The following ENPP6 variants were observed in gnomAD, a reference collection of about 807,000 sequenced individuals.
ENPP6 encodes the protein glycerophosphocholine cholinephosphodiesterase ENPP6.
In ENPP6, 32 loss-of-function variants were observed where a neutral mutation model predicts 42.0. That is an observed-to-expected ratio of 0.76 (90% CI 0.58 to 1.02). The LOEUF is 1.02. Ranked by LOEUF, ENPP6 falls within the 50% of genes least tolerant of loss-of-function variation. The pLI is 0.00. For missense variants in ENPP6, 552 were observed against 566.8 expected, an observed-to-expected ratio of 0.97 and a Z score of 0.27; for synonymous variants, 213 against 216.0, an observed-to-expected ratio of 0.99 and a Z score of 0.12.
At chr4:184,207,209 T>C (rs1019246951) in intron 1 of ENPP6, among the ~76,000 whole-genome samples, 2 of 152,272 alleles carry the variant, frequency 1.3e-5, no homozygotes, top group Admixed American at 6.5e-5. Flanking sequence ...GGTAGTTTAC[T>C]GGCAGTAAAG....
Position 184,090,649 on chromosome 4 carries a change from T to G in ENPP6, c.*528A>C, listed in dbSNP as rs1735772988. 1 of 203,668 alleles carries G rather than the reference T, an allele frequency of 4.9e-6. No homozygotes were observed. The highest frequency in any genetic ancestry group is 9.7e-6 in the Non-Finnish European group (1 of 102,946). 12.6% of individuals were successfully genotyped at this position (203,668 alleles called of 1,614,324 possible). ...CTCAGTATAAGATGAAAAAATTCCATGAGCTGGGTCAGAAATAGACAGTAG... is the reference window on the plus strand; with the variant it reads ...CTCAGTATAAGATGAAAAAATTCCAGGAGCTGGGTCAGAAATAGACAGTAG... On this transcript the variant is annotated 3_prime_UTR_variant, in exon 8 of 8. Transcript: ENST00000296741.
chr4:184,177,111 T>C (rs766350265), intron 1 of ENPP6, among the ~76,000 whole-genome samples: 14 of 152,104 alleles, frequency 9.2e-5, no homozygotes, highest in Non-Finnish European at 1.8e-4. Context: ...TGCCTAAGAC[T>C]ACTGAGTTCA....
chr4:184,193,897 T>C (rs552666775), intron 1 of ENPP6, among the ~76,000 whole-genome samples: 2 of 152,322 alleles, frequency 1.3e-5, no homozygotes, highest in South Asian at 4.1e-4. Context: ...ATTTCTTATA[T>C]TCTTTAATTG....
rs1733016483 is a variant in ENPP6 at position 184,207,255 on chromosome 4, T to A, written c.241+10324A>T. Among the ~76,000 whole-genome samples, 5 of 152,250 alleles carry A rather than the reference T, an allele frequency of 3.3e-5. No individual in the cohort carries two copies. The South Asian group carries it at 1.0e-3, about 31-fold the overall frequency. ...AGACTGGCTTCCCCGCTACTCAGAA[T>A]GTTTCTGGGCCACTTTCCTCAACTG... On this transcript the variant is annotated intron_variant, in intron 1 of 7. Coordinates refer to ENST00000296741, the MANE Select transcript of ENPP6 (RefSeq NM_153343.4).
intron 1 of ENPP6, among the ~76,000 whole-genome samples, chr4:184,154,025 G>T (rs1448897382): frequency 1.3e-5 from 2 of 152,170 alleles, no homozygotes; most frequent in African/African-American, 4.8e-5. Flanking sequence ...AGAGCTTGAA[G>T]TCTAAATATG....
chr4:184,163,383 G>C (rs907465042), intron 1 of ENPP6, among the ~76,000 whole-genome samples: 1 of 152,124 alleles, frequency 6.6e-6, no homozygotes, highest in African/African-American at 2.4e-5. Flanking sequence ...GTAGTGGGTG[G>C]GGTGAAGAAG....
At chr4:184,102,842 G>A (rs545362811) in intron 6 of ENPP6, among the ~76,000 whole-genome samples, 5 of 152,230 alleles carry the variant, frequency 3.3e-5, no homozygotes, top group South Asian at 4.1e-4. Flanking sequence ...ACCTGGCTCC[G>A]GGATATTTGC....
At chr4:184,206,311 G>T (rs1467131985) in intron 1 of ENPP6, among the ~76,000 whole-genome samples, 1 of 125,202 alleles carries the variant, frequency 8.0e-6, no homozygotes, top group Admixed American at 8.6e-5. Flanking sequence ...AGGCTGGAGT[G>T]CAGTGGCGCG....
intron 1 of ENPP6, among the ~76,000 whole-genome samples, chr4:184,211,722 T>A (rs1733116652): frequency 6.6e-6 from 1 of 150,816 alleles, no homozygotes; most frequent in South Asian, 2.1e-4. Flanking sequence ...GAGGGAATCC[T>A]CCCTAACTCA....
At chr4:184,197,471 G>A (rs1732820294) in intron 1 of ENPP6, among the ~76,000 whole-genome samples, 1 of 152,236 alleles carries the variant, frequency 6.6e-6, no homozygotes, top group Admixed American at 6.5e-5. Context: ...GGCTGGAAGA[G>A]AATGCCTGGG....
chr4:184,163,424 C>T (rs1400125583), intron 1 of ENPP6, among the ~76,000 whole-genome samples: 2 of 152,088 alleles, frequency 1.3e-5, no homozygotes, highest in Non-Finnish European at 2.9e-5. Context: ...TGAACCTGGA[C>T]CTCCCGGCTT....
At position 184,170,911 on chromosome 4, in the gene ENPP6, A is replaced by G. The variant is rs530989036; in HGVS notation, c.242-17178T>C. On this transcript the variant is annotated intron_variant, in intron 1 of 7. Coordinates refer to ENST00000296741, the MANE Select transcript of ENPP6 (RefSeq NM_153343.4). Reference sequence around the variant, plus strand: ...ATCATCACCTACATCTGTTCCTTTTAGTCACAAAATCCCTTCCCAGTAGAA... The same window carrying G: ...ATCATCACCTACATCTGTTCCTTTTGGTCACAAAATCCCTTCCCAGTAGAA... Among the ~76,000 whole-genome samples the G allele has an allele frequency of 2.4e-4, 37 of 152,238 alleles. 1 individual carries two copies. In the South Asian group the frequency reaches 5.4e-3, roughly 22 times the overall value.
intron 1 of ENPP6, among the ~76,000 whole-genome samples, chr4:184,188,288 C>T (rs559775099): frequency 2.0e-5 from 3 of 151,704 alleles, no homozygotes; most frequent in South Asian, 2.1e-4. Flanking sequence ...AAAACATCAA[C>T]GGAGGTTGGC....
rs141829789 is a variant in ENPP6 at position 184,207,812 on chromosome 4, C to A, written c.241+9767G>T. Among the ~76,000 whole-genome samples the A allele has an allele frequency of 3.5e-3, 535 of 152,278 alleles. 3 individuals are homozygous for A. The highest frequency in any genetic ancestry group is 0.012 in the African/African-American group (513 of 41,550). On this transcript the variant is annotated intron_variant, in intron 1 of 7. Transcript: ENST00000296741. ...TAAAGTACCACAGATGGAGTGGCTC[C>A]AACAACAGCAACTTATTTGTTCACA...
chr4:184,097,397 A>G (rs1469113888), intron 6 of ENPP6, 29 bp from the exon 7 acceptor site: 2 of 1,612,906 alleles, frequency 1.2e-6, no homozygotes, highest in Non-Finnish European at 1.7e-6. Flanking sequence ...GACACATGAC[A>G]CTACGTCCTG....
chr4:184,116,602 G>A (rs998455730), intron 5 of ENPP6, among the ~76,000 whole-genome samples: 45 of 152,142 alleles, frequency 3.0e-4, no homozygotes, highest in Admixed American at 2.4e-3. Flanking sequence ...GCATGGTGGC[G>A]CATGCCTATA....
chr4:184,210,234 C>T (rs1733085578), intron 1 of ENPP6, among the ~76,000 whole-genome samples: 1 of 147,932 alleles, frequency 6.8e-6, no homozygotes, highest in Non-Finnish European at 1.5e-5. Context: ...TCACACATAA[C>T]AATATTAACT....
At chr4:184,118,011 C>G in intron 3 of ENPP6, 111 bp from the exon 4 acceptor site, 1 of 1,372,846 alleles carries the variant, frequency 7.3e-7, no homozygotes, top group Non-Finnish European at 9.8e-7. Flanking sequence ...AACCTTGTCC[C>G]TGGGCCAGAC....
chr4:184,159,146 T>C (rs923148836), intron 1 of ENPP6, among the ~76,000 whole-genome samples: 8 of 152,242 alleles, frequency 5.3e-5, no homozygotes, highest in Admixed American at 4.6e-4. Flanking sequence ...ATAACCTGTC[T>C]GAAATACAGC....
Sources: allele counts gnomAD v4.1 joint callset (sites outside exome capture counted in the v4.1 genomes callset), GRCh38; gene constraint gnomAD v4.1.1; transcripts MANE v1.5; gene names NCBI Gene and HGNC (gene_info 2026-07-23, HGNC 2026-07-21).